CDK5RAP2: variants seen among roughly 807,000 people sequenced by gnomAD.
The protein encoded by CDK5RAP2 is CDK5 regulatory subunit-associated protein 2.
Under a neutral mutation model 232.9 loss-of-function variants are expected in CDK5RAP2, and 147 were observed. The observed-to-expected ratio is 0.63, with a 90% confidence interval of 0.55 to 0.72. The LOEUF (loss-of-function observed/expected upper bound fraction) is 0.72, where lower values mean the gene tolerates loss of function less well. Among genes scored for constraint, CDK5RAP2 ranks in the 30% least tolerant of loss-of-function variants. The pLI is 0.00. For synonymous variants in CDK5RAP2, 833 were observed against 833.7 expected (o/e 1.00, Z 0.01); for missense variants, 2,195 against 2,231.5 (o/e 0.98, Z 0.33).
Position 120,460,592 on chromosome 9 carries a change from G to T in CDK5RAP2, c.2182C>A (p.His728Asn). ...DDEINFLSDQ[H>N]LQQSNEIMKD... The stretch of plus-strand genomic sequence containing the variant: ...CCTACCTCATTACTCTGCTGCAAAT[G>T]CTGGTCACTCAGGAAATTAATCTCG... The change falls in exon 19 of 38, where the codon CAT (histidine) becomes AAT (asparagine). Residue 728 changes from histidine to asparagine, a missense_variant. His to Asn is a moderately conservative substitution (Grantham distance 68). Coordinates refer to ENST00000349780, the MANE Select transcript of CDK5RAP2 (RefSeq NM_018249.6). 1 of 1,614,124 alleles carries T rather than the reference G, an allele frequency of 6.2e-7. No individual in the cohort carries two copies. The highest frequency in any genetic ancestry group is 8.5e-7 in the Non-Finnish European group (1 of 1,179,988).
chr9:120,458,320 T>A lies in CDK5RAP2; in HGVS notation c.2375+130A>T, dbSNP rs563288293. 9.1e-6 allele frequency: 8 copies of A among 879,772 alleles called. No homozygotes were observed. The African/African-American group carries it at 1.2e-4, about 13-fold the overall frequency. The allele number at this position is 879,772 out of a possible 1,614,324, so 54.5% of individuals were successfully genotyped here. A position where few individuals can be genotyped will look rare whatever the true frequency, so the allele number is the denominator to read the frequency against. ...TACTTAATTTCATGACTGGCAAGAT[T>A]CCTTCCAAGCCATTTCAGGAGCTCT... On this transcript the variant is annotated intron_variant, in intron 20 of 37. Coordinates refer to ENST00000349780, the MANE Select transcript of CDK5RAP2 (RefSeq NM_018249.6).
intron 25 of CDK5RAP2, among the ~76,000 whole-genome samples, chr9:120,426,809 T>C (rs2034933299): frequency 6.6e-6 from 1 of 152,216 alleles, no homozygotes; most frequent in African/African-American, 2.4e-5. Flanking sequence ...ATCTGTCATG[T>C]GATGCTATAA....
At chr9:120,526,519 C>A (rs2040907532) in intron 10 of CDK5RAP2, among the ~76,000 whole-genome samples, 1 of 152,126 alleles carries the variant, frequency 6.6e-6, no homozygotes, top group African/African-American at 2.4e-5. Flanking sequence ...AGCCCCTCCC[C>A]CTCCATTCCT....
intron 3 of CDK5RAP2, among the ~76,000 whole-genome samples, chr9:120,551,318 T>A (rs983553628): frequency 2.0e-5 from 3 of 152,186 alleles, no homozygotes; most frequent in African/African-American, 7.2e-5. Context: ...ACTAAAAGCA[T>A]TAGATGAAAG....
intron 11 of CDK5RAP2, among the ~76,000 whole-genome samples, chr9:120,521,739 G>A (rs544079424): frequency 2.7e-4 from 39 of 146,682 alleles, no homozygotes; most frequent in South Asian, 1.7e-3. Flanking sequence ...TCCGCCTCCC[G>A]GGTTCACACC....
chr9:120,514,071 T>C (rs899769475), intron 12 of CDK5RAP2, among the ~76,000 whole-genome samples: 7 of 152,178 alleles, frequency 4.6e-5, no homozygotes, highest in African/African-American at 1.7e-4. Context: ...ATCAAATTCA[T>C]AGACTATAAG....
chr9:120,423,942 G>T (rs551438754), intron 25 of CDK5RAP2, among the ~76,000 whole-genome samples: 1 of 152,304 alleles, frequency 6.6e-6, no homozygotes, highest in South Asian at 2.1e-4. Context: ...AGCCACCTGG[G>T]CACCAAGAGT....
chr9:120,552,717 T>C (rs1165695617), intron 3 of CDK5RAP2, among the ~76,000 whole-genome samples: 4 of 135,380 alleles, frequency 3.0e-5, no homozygotes, highest in African/African-American at 8.0e-5. Context: ...GGGGGAGGGA[T>C]AGCATTAGGA....
intron 11 of CDK5RAP2, 62 bp downstream of exon 11, chr9:120,524,924 G>A (rs533004463): frequency 2.6e-6 from 3 of 1,171,840 alleles, no homozygotes; most frequent in East Asian, 4.7e-5. Flanking sequence ...CAGCTGCAAA[G>A]TCCTCACCTC....
rs895559599 is a variant in CDK5RAP2, at chr9:120,579,850, G to C, written c.59+70C>G. On this transcript the variant is annotated intron_variant, in intron 1 of 37. Transcript: ENST00000349780. Reference sequence around the variant, plus strand: ...ACCCTCAAGAGCAAACCCCAAGGCCGCGTTAGAACGAAATCCCACCAGCTG... The same window carrying C: ...ACCCTCAAGAGCAAACCCCAAGGCCCCGTTAGAACGAAATCCCACCAGCTG... The C allele has an allele frequency of 3.3e-5, 42 of 1,280,448 alleles. 1 individual carries two copies. The highest frequency in any genetic ancestry group is 4.6e-5 in the Non-Finnish European group (40 of 877,978). The allele number at this position is 1,280,448 out of a possible 1,614,324, so 79.3% of individuals were successfully genotyped here.
At chr9:120,454,326 G>A (rs979512071) in intron 20 of CDK5RAP2, among the ~76,000 whole-genome samples, 4 of 152,332 alleles carry the variant, frequency 2.6e-5, no homozygotes, top group Middle Eastern at 3.4e-3. Context: ...CTGGTCCATC[G>A]ATGACCTAAT....
intron 18 of CDK5RAP2, among the ~76,000 whole-genome samples, chr9:120,461,241 G>A (rs779579952): frequency 6.6e-6 from 1 of 152,276 alleles, no homozygotes; most frequent in Non-Finnish European, 1.5e-5. Flanking sequence ...CATCTCTAAT[G>A]AGAAGAGTAT....
chr9:120,562,251 C>T lies in CDK5RAP2; in HGVS notation c.195+6070G>A, dbSNP rs574736978. Among the ~76,000 whole-genome samples, 217 of 152,196 alleles carry T rather than the reference C, an allele frequency of 1.4e-3. 2 individuals carry two copies. Among genetic ancestry groups the T allele is most frequent in the Middle Eastern group, 3.4e-3 (1 of 294 alleles). ...TATTTATGGCTATCAAAATCTCTTT[C>T]CAAATGGCCTTCAAAAAGATTGTAA... On this transcript the variant is annotated intron_variant, in intron 3 of 37. Transcript: ENST00000349780.
chr9:120,544,155 C>T (rs2041748136), intron 5 of CDK5RAP2, among the ~76,000 whole-genome samples: 1 of 152,184 alleles, frequency 6.6e-6, no homozygotes, highest in Non-Finnish European at 1.5e-5. Flanking sequence ...AACATGTGCA[C>T]AAGCCTCCAA....
At chr9:120,401,792 T>C (rs2033040844) in intron 34 of CDK5RAP2, among the ~76,000 whole-genome samples, 1 of 151,996 alleles carries the variant, frequency 6.6e-6, no homozygotes, top group African/African-American at 2.4e-5. Context: ...AAGACCAGCC[T>C]GCCCAGCATG....
chr9:120,517,447 T>C (rs2040387878), intron 12 of CDK5RAP2, among the ~76,000 whole-genome samples: 2 of 152,102 alleles, frequency 1.3e-5, no homozygotes, highest in African/African-American at 4.8e-5. Context: ...GACAATTCAA[T>C]TAACCTTCAT....
At position 120,550,875 on chromosome 9, in the gene CDK5RAP2, A is replaced by C. The variant is rs748383310; in HGVS notation, c.223T>G (p.Phe75Val). The C allele has an allele frequency of 6.2e-7, 1 of 1,612,682 alleles. No homozygotes were observed. ...NQITELKKEN[F>V]NLKLRIYFLE... Reference sequence around the variant, plus strand: ...AAATAGATGCGGAGCTTTAGGTTAAAGTTTTCTTTCTTCAATTCAGTGATT... The same window carrying C: ...AAATAGATGCGGAGCTTTAGGTTAACGTTTTCTTTCTTCAATTCAGTGATT... Residue 75 changes from phenylalanine (F) to valine (V), a missense_variant, in exon 4 of 38, where the codon TTT (phenylalanine) becomes GTT (valine). Coordinates refer to ENST00000349780, the MANE Select transcript of CDK5RAP2 (RefSeq NM_018249.6).
chr9:120,539,223 C>T lies in CDK5RAP2; in HGVS notation c.384-59G>A, dbSNP rs139644198. ...GGGTGATGGTCTGATGGTTATTTCACAGCCCCAAAGAGACAAGGAGTATTT... is the reference window on the plus strand; with the variant it reads ...GGGTGATGGTCTGATGGTTATTTCATAGCCCCAAAGAGACAAGGAGTATTT... On this transcript the variant is annotated intron_variant, in intron 5 of 37. Transcript: ENST00000349780. 142 of 1,607,638 alleles carry T rather than the reference C, an allele frequency of 8.8e-5. No individual in the cohort carries two copies. In the African/African-American group the frequency reaches 1.8e-3, roughly 20 times the overall value.
intron 28 of CDK5RAP2, 139 bp from the exon 29 acceptor site, chr9:120,411,613 C>A (rs1259996911): frequency 6.2e-6 from 4 of 649,428 alleles, no homozygotes; most frequent in African/African-American, 1.8e-5. Context: ...TTAGGAATTA[C>A]CAGAAGCCAA....
Sources: gnomAD v4.1 joint callset for allele counts (sites outside exome capture counted in the v4.1 genomes callset) on GRCh38, gnomAD v4.1.1 for gene constraint, MANE v1.5 for transcripts, NCBI Gene and HGNC (gene_info 2026-07-23, HGNC 2026-07-21) for gene names.